Variants in OTUB2 observed in about 807,000 individuals in gnomAD.
OTUB2 encodes the protein ubiquitin thioesterase OTUB2.
A neutral mutation model predicts 25.1 loss-of-function variants in OTUB2; 21 were observed. That is an observed-to-expected ratio of 0.84 (90% CI 0.59 to 1.21). The LOEUF is 1.21. Ranked by LOEUF, OTUB2 falls within the 50% of genes most tolerant of loss-of-function variation. The probability of loss-of-function intolerance (pLI) is 0.00; values close to 1 mark genes in which losing one functional copy is unlikely to be tolerated. For synonymous variants in OTUB2, 122 were observed against 122.8 expected (o/e 0.99, Z 0.04); for missense variants, 283 against 298.0 (o/e 0.95, Z 0.37).
At position 94,048,720 on chromosome 14, in the gene OTUB2, G is replaced by A. The variant is rs1433740613; in HGVS notation, c.*2798G>A. On this transcript the variant is annotated 3_prime_UTR_variant, in exon 6 of 6. Transcript: ENST00000203664. ...CATGTCACCTTGGCAGTGACTCGGT[G>A]GCTTCCCAAGCAGGAGTGTCAGGGG... is the stretch of plus-strand genomic sequence containing the variant. 5 of 152,102 alleles carry A rather than the reference G, an allele frequency of 3.3e-5. No individual in the cohort carries two copies. Among genetic ancestry groups the A allele is most frequent in the Admixed American group, 6.5e-5 (1 of 15,276 alleles). The allele number at this position is 152,102 out of a possible 1,614,324, so 9.4% of individuals were successfully genotyped here. A position where few individuals can be genotyped will look rare whatever the true frequency, so the allele number is the denominator to read the frequency against.
intron 5 of OTUB2, 107 bp from the exon 6 acceptor site, chr14:94,045,609 C>T: frequency 9.0e-7 from 1 of 1,114,924 alleles, no homozygotes. Flanking sequence ...AAGATGACGT[C>T]CCAGCACAGA....
Position 94,046,003 on chromosome 14 carries a change from A to G in OTUB2, c.*81A>G. 6.7e-7 allele frequency: 1 copy of G among 1,488,508 alleles called. No homozygotes were observed. The highest frequency in any genetic ancestry group is 1.2e-5 in the South Asian group (1 of 84,796). 92.2% of individuals were successfully genotyped at this position (1,488,508 alleles called of 1,614,324 possible). The stretch of plus-strand genomic sequence containing the variant: ...GAACATTCCGGCTCTTCAATTTTTT[A>G]AGCAATTTAGACTGTAGCAAGAAAA... On this transcript the variant is annotated 3_prime_UTR_variant, in exon 6 of 6. Transcript: ENST00000203664.
chr14:94,044,714 G>T lies in OTUB2; in HGVS notation c.432G>T (p.Arg144Ser). 6.2e-7 allele frequency: 1 copy of T among 1,614,042 alleles called. No homozygotes were observed. The change falls in exon 5 of 6, where the codon AGG (arginine) becomes AGT (serine). Residue 144 changes from arginine to serine, a missense_variant. By Grantham distance (110) the Arg-to-Ser change is moderately radical. Transcript: ENST00000203664. ...FLRLLTSAFI[R>S]NRADFFRHFI... ...GCCTGCTCACGTCGGCCTTCATCAG[G>T]AACCGAGCAGACTTCTTCCGGCACT...
chr14:94,043,865 G>C lies in OTUB2; in HGVS notation c.219-106G>C, dbSNP rs1595368852. 8.1e-6 allele frequency: 8 copies of C among 986,418 alleles called. No homozygotes were observed. The East Asian group carries it at 1.7e-4, about 21-fold the overall frequency. The allele number at this position is 986,418 out of a possible 1,614,324, so 61.1% of individuals were successfully genotyped here. On this transcript the variant is annotated intron_variant, in intron 3 of 5. Coordinates refer to ENST00000203664, the MANE Select transcript of OTUB2 (RefSeq NM_023112.4). ...GGCGGGAGGTTCTGCGGCTGGACTA[G>C]AGATGAGGTTGGTGGGCGCAGTGGG...
chr14:94,043,244 C>T (rs1352824493), intron 3 of OTUB2, among the ~76,000 whole-genome samples: 1 of 152,240 alleles, frequency 6.6e-6, no homozygotes, highest in Non-Finnish European at 1.5e-5. Context: ...CATCTCCGTT[C>T]CCAGGCAAAG....
intron 1 of OTUB2, among the ~76,000 whole-genome samples, chr14:94,031,891 T>C (rs1439044568): frequency 6.6e-6 from 1 of 152,236 alleles, no homozygotes; most frequent in Non-Finnish European, 1.5e-5. Context: ...TGACAGGACA[T>C]TGTCAGATGT....
Position 94,026,656 on chromosome 14 carries a change from G to C in OTUB2, c.3+116G>C, listed in dbSNP as rs1000815814. 521 of 1,089,540 alleles carry C rather than the reference G, an allele frequency of 4.8e-4. 2 individuals carry two copies. The highest frequency in any genetic ancestry group is 1.2e-4 in the Non-Finnish European group (103 of 857,998). 67.5% of individuals were successfully genotyped at this position (1,089,540 alleles called of 1,614,324 possible). On this transcript the variant is annotated intron_variant, in intron 1 of 5. Coordinates refer to ENST00000203664, the MANE Select transcript of OTUB2 (RefSeq NM_023112.4). Reference sequence around the variant, plus strand: ...GGTCGGACGCGAGGCTCAGCCCCCAGCTCGCCCCCGCCGCTTTCCGACCCC... The same window carrying C: ...GGTCGGACGCGAGGCTCAGCCCCCACCTCGCCCCCGCCGCTTTCCGACCCC...
In OTUB2 at chr14:94,040,961, G is replaced by A. The variant is rs537846148; in HGVS notation, c.218+1880G>A. 5.3e-5 allele frequency among the ~76,000 whole-genome samples: 8 copies of A among 152,316 alleles called. No homozygotes were observed. The East Asian group carries it at 7.7e-4, about 15-fold the overall frequency. ...CCTTGGCTTTCAGCCTGAAGGACAC[G>A]GGAGCCACCGAGGGATTGCGCAGCA... On this transcript the variant is annotated intron_variant, in intron 3 of 5. Coordinates refer to ENST00000203664, the MANE Select transcript of OTUB2 (RefSeq NM_023112.4).
intron 1 of OTUB2, among the ~76,000 whole-genome samples, chr14:94,030,746 A>T (rs1453847340): frequency 6.7e-6 from 1 of 148,878 alleles, no homozygotes; most frequent in African/African-American, 2.6e-5. Context: ...TCCGTTAAGG[A>T]TACTGAGTTA....
At chr14:94,036,505 C>A (rs28668038) in intron 1 of OTUB2, among the ~76,000 whole-genome samples, 4,056 of 152,108 alleles carry the variant, frequency 0.027, 176 homozygotes, top group African/African-American at 0.093. Flanking sequence ...GCATCTCCTG[C>A]TTGTTTGAGC....
At chr14:94,029,789 C>T (rs1269531018) in intron 1 of OTUB2, among the ~76,000 whole-genome samples, 1 of 152,210 alleles carries the variant, frequency 6.6e-6, no homozygotes, top group Non-Finnish European at 1.5e-5. Flanking sequence ...AAAGTCCCTG[C>T]CCCCATGGAA....
chr14:94,027,129 C>T (rs1205753389), intron 1 of OTUB2, among the ~76,000 whole-genome samples: 1 of 152,186 alleles, frequency 6.6e-6, no homozygotes. Context: ...AAAGAAAATA[C>T]TCAGGAATCC....
chr14:94,043,905 C>T, intron 3 of OTUB2, 66 bp from the exon 4 acceptor site: 18 of 1,451,554 alleles, frequency 1.2e-5, no homozygotes, highest in African/African-American at 2.8e-5. Context: ...GAGGGGGACG[C>T]ACAGTTGCCA....
At position 94,044,038 on chromosome 14, in the gene OTUB2, A is replaced by C; in HGVS notation, c.286A>C (p.Arg96=). 6.2e-7 allele frequency: 1 copy of C among 1,614,232 alleles called. No individual in the cohort carries two copies. Among genetic ancestry groups the C allele is most frequent in the Non-Finnish European group, 8.5e-7 (1 of 1,180,016 alleles). The change falls in exon 4 of 6, where the codon AGA becomes CGA. Residue 96 remains arginine, a synonymous_variant. Transcript: ENST00000203664. ...LAAGFEEHKF[R]NFFNAFYSVV... ...TGCTGGCTTTGAGGAGCACAAGTTCAGAAACTTCTTCAATGCTGTGAGTTC... is the reference window on the plus strand; with the variant it reads ...TGCTGGCTTTGAGGAGCACAAGTTCCGAAACTTCTTCAATGCTGTGAGTTC...
chr14:94,043,204 C>T (rs1030735293), intron 3 of OTUB2, among the ~76,000 whole-genome samples: 1 of 152,234 alleles, frequency 6.6e-6, no homozygotes, highest in Non-Finnish European at 1.5e-5. Context: ...CCCTTGTGAA[C>T]CTTCTGCCTC....
intron 3 of OTUB2, among the ~76,000 whole-genome samples, chr14:94,039,714 C>T (rs1189171532): frequency 2.0e-5 from 3 of 152,174 alleles, no homozygotes; most frequent in African/African-American, 4.8e-5. Context: ...TTGTCACTGG[C>T]TCCCAGGAGA....
chr14:94,041,260 G>A (rs192007038), intron 3 of OTUB2, among the ~76,000 whole-genome samples: 2 of 152,268 alleles, frequency 1.3e-5, no homozygotes, highest in East Asian at 3.9e-4. Context: ...TTGCTGCAAA[G>A]GAGGGCTGAG....
chr14:94,033,614 A>C (rs1884999311), intron 1 of OTUB2, among the ~76,000 whole-genome samples: 1 of 152,242 alleles, frequency 6.6e-6, no homozygotes, highest in Non-Finnish European at 1.5e-5. Context: ...CCATCATTTT[A>C]AGTCAGCTGT....
In OTUB2 at chr14:94,044,687, G is replaced by A. The variant is rs1291013920; in HGVS notation, c.405G>A (p.Leu135=). 5.0e-6 allele frequency: 8 copies of A among 1,614,056 alleles called. No individual in the cohort carries two copies. Among genetic ancestry groups the A allele is most frequent in the Admixed American group, 3.3e-5 (2 of 60,010 alleles). ...QSASDHIVQF[L]RLLTSAFIRN... is the part of the protein sequence containing the mutation. ...CCTCGGACCACATCGTGCAGTTCCT[G>A]CGCCTGCTCACGTCGGCCTTCATCA... is the stretch of plus-strand genomic sequence containing the variant. Residue 135 remains leucine, a synonymous_variant, in exon 5 of 6, where the codon CTG becomes CTA. Transcript: ENST00000203664.
Sources: gnomAD v4.1 joint callset for allele counts (sites outside exome capture counted in the v4.1 genomes callset) on GRCh38, gnomAD v4.1.1 for gene constraint, MANE v1.5 for transcripts, NCBI Gene and HGNC (gene_info 2026-07-23, HGNC 2026-07-21) for gene names.